SEC14L1: variants seen among roughly 807,000 people sequenced by gnomAD.
SEC14L1 encodes the protein SEC14 like lipid binding 1, also known as SEC14-like protein 1.
SEC14L1 carries 48 observed loss-of-function variants against 85.3 expected under a neutral mutation model. The observed-to-expected ratio is 0.56, with a 90% CI of 0.45 to 0.72. The LOEUF is 0.72. Among genes scored for constraint, SEC14L1 ranks in the 30% least tolerant of loss-of-function variants. SEC14L1 has a pLI of 0.00. For missense variants in SEC14L1, 682 were observed against 921.4 expected, an observed-to-expected ratio of 0.74 and a Z score of 3.36; for synonymous variants, 391 against 355.5, an observed-to-expected ratio of 1.10 and a Z score of -1.12.
At chr17:77,117,634 C>T (rs1418529478) in intron 3 of SEC14L1, among the ~76,000 whole-genome samples, 1 of 152,116 alleles carries the variant, frequency 6.6e-6, no homozygotes, top group African/African-American at 2.4e-5. Context: ...CTCAAGAAAA[C>T]CCAGCCCTAC....
At chr17:77,093,322 A>T (rs958446911) in exon 3 of SEC14L1, 1 of 149,180 alleles carries the variant, frequency 6.7e-6, no homozygotes, top group African/African-American at 2.6e-5. Flanking sequence ...CCTGGAAAGG[A>T]ATTGTTTTGG....
rs528533097 is a variant in SEC14L1, at chr17:77,106,172, T to C, written c.-136+12825T>C. ...ACTTGGGGAAGCCGAGGTTGGCGGA[T>C]GGCTTGAGCCCAGGAGTTGGAGACC... is the stretch of plus-strand genomic sequence containing the variant. On this transcript the variant is annotated intron_variant, in intron 3 of 19. Transcript: ENST00000392476. Among the ~76,000 whole-genome samples the C allele has an allele frequency of 7.6e-4, 116 of 152,260 alleles. 2 individuals are homozygous for C. Among genetic ancestry groups the C allele is most frequent in the African/African-American group, 2.5e-3 (104 of 41,554 alleles).
Position 77,216,562 on chromosome 17 carries a change from T to C in SEC14L1, c.*2539T>C, listed in dbSNP as rs753203543. 3 of 1,613,370 alleles carry C rather than the reference T, an allele frequency of 1.9e-6. No individual in the cohort carries two copies. The highest frequency in any genetic ancestry group is 1.7e-5 in the Admixed American group (1 of 59,978). On this transcript the variant is annotated 3_prime_UTR_variant, in exon 17 of 17. Transcript: ENST00000436233. Reference sequence around the variant, plus strand: ...TCTGTGTCTCAGATGGCGATTTTGCTGACAGCTGCCAAGAAAATGCTTCAC... The same window carrying C: ...TCTGTGTCTCAGATGGCGATTTTGCCGACAGCTGCCAAGAAAATGCTTCAC...
At chr17:77,202,492 A>G (rs1028449416) in intron 9 of SEC14L1, among the ~76,000 whole-genome samples, 66 of 152,152 alleles carry the variant, frequency 4.3e-4, no homozygotes, top group Non-Finnish European at 4.4e-5. Flanking sequence ...GGTGGCACAC[A>G]CCTGTAGTCC....
chr17:77,178,020 C>A (rs1379491683), intron 3 of SEC14L1, among the ~76,000 whole-genome samples: 1 of 151,700 alleles, frequency 6.6e-6, no homozygotes, highest in Non-Finnish European at 1.5e-5. Context: ...GCTTGCCTGC[C>A]CCTTTGTACT....
chr17:77,176,671 C>T (rs749465382), intron 3 of SEC14L1, among the ~76,000 whole-genome samples: 25 of 152,202 alleles, frequency 1.6e-4, no homozygotes, highest in Non-Finnish European at 8.8e-5. Context: ...ACTGCATCCT[C>T]CACCTCCCAG....
chr17:77,116,099 T>C (rs986848019), intron 3 of SEC14L1, among the ~76,000 whole-genome samples: 2 of 151,934 alleles, frequency 1.3e-5, no homozygotes, highest in African/African-American at 4.8e-5. Flanking sequence ...TTATTTTTAT[T>C]TGTAGAGATG....
intron 3 of SEC14L1, chr17:77,130,321 T>G (rs1201865960): frequency 6.6e-6 from 1 of 152,046 alleles, no homozygotes; most frequent in Non-Finnish European, 1.5e-5. Context: ...TAATTTTTAT[T>G]TATTTATTTA....
At chr17:77,137,716 G>C (rs915093005), upstream of SEC14L1, among the ~76,000 whole-genome samples, 3 of 152,200 alleles carry the variant, frequency 2.0e-5, no homozygotes, top group Non-Finnish European at 4.4e-5. Flanking sequence ...TCTTGTTCAG[G>C]AATATTAGAC....
intron 3 of SEC14L1, among the ~76,000 whole-genome samples, chr17:77,104,417 G>A (rs1362888186): frequency 4.2e-5 from 5 of 119,850 alleles, no homozygotes; most frequent in East Asian, 2.7e-4. Flanking sequence ...CACTGCGCCC[G>A]GCCTTGTGTT....
intron 3 of SEC14L1, among the ~76,000 whole-genome samples, chr17:77,132,851 C>CA (rs1395376201): frequency 6.9e-6 from 1 of 145,752 alleles, no homozygotes; most frequent in Non-Finnish European, 1.5e-5. Context: ...CCCAATCCTC[C>CA]TTTTTTTTTT....
In SEC14L1 at chr17:77,196,318, G is replaced by T. The variant is rs756194399; in HGVS notation, c.819+7G>T. 1 of 1,557,280 alleles carries T rather than the reference G, an allele frequency of 6.4e-7. No individual in the cohort carries two copies. Among genetic ancestry groups the T allele is most frequent in the Non-Finnish European group, 8.9e-7 (1 of 1,128,864 alleles). On this transcript the variant is annotated splice_region_variant and intron_variant, in intron 8 of 16. Coordinates refer to ENST00000436233, the MANE Select transcript of SEC14L1 (RefSeq NM_001143998.2). ...GGAGACCCACAAGGGCAAAGTGAGT[G>T]TCAGCACCACACCCAGTGTGCAGGG...
chr17:77,150,772 A>T (rs1350522283), intron 3 of SEC14L1, among the ~76,000 whole-genome samples: 1 of 152,196 alleles, frequency 6.6e-6, no homozygotes, highest in Non-Finnish European at 1.5e-5. Flanking sequence ...TCTTTGTGGC[A>T]GCTAGCTGCG....
intron 3 of SEC14L1, among the ~76,000 whole-genome samples, chr17:77,116,074 A>C (rs186955389): frequency 1.3e-4 from 20 of 152,180 alleles, no homozygotes; most frequent in African/African-American, 4.8e-4. Flanking sequence ...GCACACCACC[A>C]GGTTCAGCGA....
chr17:77,216,824 G>T lies in SEC14L1; in HGVS notation c.*2801G>T. 1 of 551,022 alleles carries T rather than the reference G, an allele frequency of 1.8e-6. No homozygotes were observed. 34.1% of individuals were successfully genotyped at this position (551,022 alleles called of 1,614,324 possible). The stretch of plus-strand genomic sequence containing the variant: ...CCCCTTGTAAGGGAATTCTGGGGCA[G>T]CTATGGTTTGAGTATGCAGTTTGCA... On this transcript the variant is annotated 3_prime_UTR_variant, in exon 17 of 17. Coordinates refer to ENST00000436233, the MANE Select transcript of SEC14L1 (RefSeq NM_001143998.2).
chr17:77,171,978 A>G (rs968650633), intron 3 of SEC14L1, among the ~76,000 whole-genome samples: 2 of 152,164 alleles, frequency 1.3e-5, no homozygotes, highest in African/African-American at 2.4e-5. Context: ...ATCTCTTCCT[A>G]AATAGGTTTG....
At chr17:77,201,687 G>C (rs551108841) in intron 9 of SEC14L1, among the ~76,000 whole-genome samples, 1 of 152,248 alleles carries the variant, frequency 6.6e-6, no homozygotes, top group South Asian at 2.1e-4. Context: ...CTGACCTCGT[G>C]ATCTGCCCAC....
chr17:77,194,508 T>C (rs957035745), intron 6 of SEC14L1, among the ~76,000 whole-genome samples, 169 bp from the exon 7 acceptor site: 3 of 151,292 alleles, frequency 2.0e-5, no homozygotes, highest in Admixed American at 1.3e-4. Context: ...GCTGTGATCA[T>C]GCCACTGTGC....
At chr17:77,196,375 C>G in intron 8 of SEC14L1, 64 bp downstream of exon 8, 1 of 957,694 alleles carries the variant, frequency 1.0e-6, no homozygotes, top group South Asian at 1.5e-5. Context: ...GAATCTCTTT[C>G]TGTCATAGTC....
Sources: allele counts gnomAD v4.1 joint callset (sites outside exome capture counted in the v4.1 genomes callset), GRCh38; gene constraint gnomAD v4.1.1; transcripts MANE v1.5; gene names NCBI Gene and HGNC (gene_info 2026-07-23, HGNC 2026-07-21).